The following IGF1R variants were observed in gnomAD, a reference collection of about 807,000 sequenced individuals.
IGF1R encodes the protein insulin-like growth factor 1 receptor.
IGF1R carries 44 observed loss-of-function variants against 144.6 expected under a neutral mutation model. That is an observed-to-expected ratio of 0.30 (90% CI 0.24 to 0.39). The LOEUF is 0.39. Ranked by LOEUF, IGF1R falls within the 10% of genes least tolerant of loss-of-function variation. The pLI, the probability that IGF1R is intolerant of heterozygous loss-of-function variation, is 1.00. For missense variants in IGF1R, 1,355 were observed against 1,833.7 expected (o/e 0.74, Z 4.77); for synonymous variants, 795 against 722.8 (o/e 1.10, Z -1.60).
At chr15:98,705,024 T>G (rs1041200636) in intron 1 of IGF1R, among the ~76,000 whole-genome samples, 2 of 121,230 alleles carry the variant, frequency 1.6e-5, no homozygotes, top group African/African-American at 6.4e-5. Flanking sequence ...GTGAGTTGTT[T>G]GACACCTCAA....
At chr15:98,945,196 C>G (rs909730772) in intron 19 of IGF1R, among the ~76,000 whole-genome samples, 6 of 152,244 alleles carry the variant, frequency 3.9e-5, no homozygotes, top group Non-Finnish European at 7.3e-5. Flanking sequence ...TCTGGATCAC[C>G]CAACACATAA....
chr15:98,751,659 C>T (rs1229378854), intron 2 of IGF1R, among the ~76,000 whole-genome samples: 3 of 152,264 alleles, frequency 2.0e-5, no homozygotes, highest in Non-Finnish European at 4.4e-5. Context: ...CCCTACAATA[C>T]GTCCCTTGAA....
intron 2 of IGF1R, among the ~76,000 whole-genome samples, chr15:98,742,493 A>C (rs1172561065): frequency 6.6e-6 from 1 of 152,124 alleles, no homozygotes; most frequent in Non-Finnish European, 1.5e-5. Flanking sequence ...GAGCTCTGAC[A>C]CAGTGGCAGT....
intron 1 of IGF1R, among the ~76,000 whole-genome samples, chr15:98,678,766 C>G (rs1398812440): frequency 6.6e-6 from 1 of 152,128 alleles, no homozygotes; most frequent in African/African-American, 2.4e-5. Flanking sequence ...TCAAGTGGTC[C>G]ACCTGCCTTC....
Position 98,821,729 on chromosome 15 carries a change from C to G in IGF1R, c.641-69596C>G, listed in dbSNP as rs994899310. Among the ~76,000 whole-genome samples the G allele has an allele frequency of 2.6e-5, 4 of 152,214 alleles. No homozygotes were observed. In the South Asian group the frequency reaches 6.2e-4, roughly 24 times the overall value. On this transcript the variant is annotated intron_variant, in intron 2 of 20. Coordinates refer to ENST00000650285, the MANE Select transcript of IGF1R (RefSeq NM_000875.5). ...GAAACCCGGAAACCACTAGCCCATT[C>G]TTGGGATGATTGATATCTGCAAGGA...
chr15:98,926,758 A>T (rs112845045), intron 13 of IGF1R, among the ~76,000 whole-genome samples: 2,047 of 152,318 alleles, frequency 0.013, 59 homozygotes, highest in African/African-American at 0.047. Flanking sequence ...TCCTGGGTTC[A>T]GGTTTTTAGG....
intron 2 of IGF1R, among the ~76,000 whole-genome samples, chr15:98,755,013 C>A (rs916795310): frequency 6.6e-6 from 1 of 152,130 alleles, no homozygotes; most frequent in African/African-American, 2.4e-5. Context: ...TATATCTGGT[C>A]TCTTTAAAAT....
chr15:98,955,033 C>T (rs2151735105), intron 20 of IGF1R, among the ~76,000 whole-genome samples: 1 of 152,300 alleles, frequency 6.6e-6, no homozygotes, highest in East Asian at 1.9e-4. Flanking sequence ...AACTCCATCC[C>T]AGCTCCACCC....
intron 2 of IGF1R, among the ~76,000 whole-genome samples, chr15:98,764,528 A>G (rs535527656): frequency 6.6e-6 from 1 of 152,380 alleles, no homozygotes; most frequent in South Asian, 2.1e-4. Context: ...AGTAGAGTTC[A>G]TTACAAATAG....
At chr15:98,757,886 T>C (rs957799668) in intron 2 of IGF1R, among the ~76,000 whole-genome samples, 27 of 152,376 alleles carry the variant, frequency 1.8e-4, no homozygotes, top group African/African-American at 6.5e-4. Context: ...CCCATGTTAA[T>C]TGAACAAGTC....
At chr15:98,853,934 A>G (rs761466330) in intron 2 of IGF1R, among the ~76,000 whole-genome samples, 5 of 152,184 alleles carry the variant, frequency 3.3e-5, no homozygotes, top group Non-Finnish European at 7.3e-5. Flanking sequence ...TCCTGCCTCA[A>G]GTTAGGCACA....
intron 2 of IGF1R, among the ~76,000 whole-genome samples, chr15:98,712,134 C>T (rs556757964): frequency 6.6e-6 from 1 of 152,238 alleles, no homozygotes; most frequent in South Asian, 2.1e-4. Flanking sequence ...GTCCTGGGCT[C>T]TCTTTTCACT....
chr15:98,803,498 T>TTTATTTATTTATTTATTTA (rs2056405151), intron 2 of IGF1R, among the ~76,000 whole-genome samples: 1 of 144,610 alleles, frequency 6.9e-6, no homozygotes, highest in Non-Finnish European at 1.5e-5. Context: ...GAATATTACA[T>TTTATTTATTTATTTATTTA]TTTATTTATT....
In IGF1R at chr15:98,709,544, CA is replaced by C. The variant is rs566184416; in HGVS notation, c.640+1438del. ...AAAACTGCCCTATCATTAAGTTACC[CA>C]CTGGTTTGAGAAAACAACAAAATAT... On this transcript the variant is annotated intron_variant, in intron 2 of 20. Transcript: ENST00000650285. Among the ~76,000 whole-genome samples, 673 of 152,308 alleles carry C rather than the reference CA, an allele frequency of 4.4e-3. 5 individuals carry two copies. The highest frequency in any genetic ancestry group is 0.014 in the African/African-American group (577 of 41,568).
chr15:98,850,927 A>T (rs2011503962), intron 2 of IGF1R, among the ~76,000 whole-genome samples: 1 of 152,150 alleles, frequency 6.6e-6, no homozygotes, highest in Non-Finnish European at 1.5e-5. Flanking sequence ...ATTAGAATAT[A>T]ACACCTTGCC....
At chr15:98,937,870 C>T (rs1318831874) in intron 17 of IGF1R, among the ~76,000 whole-genome samples, 1 of 152,222 alleles carries the variant, frequency 6.6e-6, no homozygotes, top group African/African-American at 2.4e-5. Context: ...CATATTTCCT[C>T]ATGCATCACA....
intron 2 of IGF1R, among the ~76,000 whole-genome samples, chr15:98,827,316 A>G (rs542891592): frequency 1.8e-4 from 27 of 152,334 alleles, no homozygotes; most frequent in African/African-American, 6.5e-4. Flanking sequence ...TATGCCCTGT[A>G]ACCTCGTTCA....
At chr15:98,656,616 GT>G (rs943606423) in intron 1 of IGF1R, among the ~76,000 whole-genome samples, 1 of 149,988 alleles carries the variant, frequency 6.7e-6, no homozygotes. Context: ...TTTTTTTTTT[GT>G]TTTTTTGCAT....
rs1555450173 is a variant in IGF1R, at chr15:98,830,603, A to ATTTTTTT, written c.641-60721_641-60720insTTTTTTT. On this transcript the variant is annotated intron_variant, in intron 2 of 20. Coordinates refer to ENST00000650285, the MANE Select transcript of IGF1R (RefSeq NM_000875.5). The stretch of plus-strand genomic sequence containing the variant: ...AGCATGGTTCCAACATCTGATCATC[A>ATTTTTTT]TCTTTTTTTTTTTTTTTTTAGATGG... 3.3e-3 allele frequency among the ~76,000 whole-genome samples: 446 copies of ATTTTTTT among 133,688 alleles called. 4 individuals carry two copies. Among genetic ancestry groups the ATTTTTTT allele is most frequent in the African/African-American group, 0.013 (387 of 30,388 alleles). The allele number at this position is 133,688 out of a possible 152,430, so 87.7% of individuals were successfully genotyped here.
Sources: allele counts gnomAD v4.1 joint callset (sites outside exome capture counted in the v4.1 genomes callset), GRCh38; gene constraint gnomAD v4.1.1; transcripts MANE v1.5; gene names NCBI Gene and HGNC (gene_info 2026-07-23, HGNC 2026-07-21).